SLC15A1: variants seen among roughly 807,000 people sequenced by gnomAD.
The protein encoded by SLC15A1 is Caco-2 oligopeptide transporter.
SLC15A1 carries 83 observed loss-of-function variants against 92.9 expected under a neutral mutation model. The observed-to-expected ratio is 0.89, with a 90% CI of 0.75 to 1.07. The LOEUF (loss-of-function observed/expected upper bound fraction) is 1.07, where lower values mean the gene tolerates loss of function less well. Ranked by LOEUF, SLC15A1 falls within the 50% of genes least tolerant of loss-of-function variation. The pLI, the probability that SLC15A1 is intolerant of heterozygous loss-of-function variation, is 0.00. For synonymous variants in SLC15A1, 322 were observed against 318.2 expected, an observed-to-expected ratio of 1.01 and a Z score of -0.13; for missense variants, 857 against 880.1, an observed-to-expected ratio of 0.97 and a Z score of 0.33.
At chr13:98,704,807 T>A (rs1310133514) in intron 16 of SLC15A1, among the ~76,000 whole-genome samples, 6 of 152,206 alleles carry the variant, frequency 3.9e-5, no homozygotes, top group Non-Finnish European at 8.8e-5. Flanking sequence ...GGAATCGGGC[T>A]TTTTGTTTTT....
rs1320921582 is a variant in SLC15A1, at chr13:98,735,601, C to T, written c.5-8742G>A. Among the ~76,000 whole-genome samples, 3 of 152,222 alleles carry T rather than the reference C, an allele frequency of 2.0e-5. No homozygotes were observed. In the East Asian group the frequency reaches 5.8e-4, roughly 29 times the overall value. ...TTATATTTAGAAAAACCCAAAGTCT[C>T]AGCCCAAAATCTCCTTAAGCTGATA... On this transcript the variant is annotated intron_variant, in intron 1 of 22. Coordinates refer to ENST00000376503, the MANE Select transcript of SLC15A1 (RefSeq NM_005073.4).
chr13:98,729,138 GTATTAA>G (rs1355785691), intron 1 of SLC15A1, among the ~76,000 whole-genome samples: 4 of 151,266 alleles, frequency 2.6e-5, no homozygotes, highest in Non-Finnish European at 4.4e-5. Flanking sequence ...GTAAAATATT[GTATTAA>G]TATTAATATT....
intron 1 of SLC15A1, among the ~76,000 whole-genome samples, chr13:98,740,793 G>T (rs1468154735): frequency 6.6e-6 from 1 of 152,198 alleles, no homozygotes; most frequent in East Asian, 1.9e-4. Flanking sequence ...GTGGGAAAGA[G>T]GAAGGATATG....
At position 98,721,772 on chromosome 13, in the gene SLC15A1, C is replaced by G. The variant is rs1015977031; in HGVS notation, c.465+32G>C. On this transcript the variant is annotated intron_variant, in intron 6 of 22. Coordinates refer to ENST00000376503, the MANE Select transcript of SLC15A1 (RefSeq NM_005073.4). Reference sequence around the variant, plus strand: ...CTGACTCCTGGATGTGTAGTTCATTCACGTGGGCTCTGGGGAGGCCCCTAC... The same window carrying G: ...CTGACTCCTGGATGTGTAGTTCATTGACGTGGGCTCTGGGGAGGCCCCTAC... The G allele has an allele frequency of 3.1e-6, 5 of 1,592,922 alleles. No individual in the cohort carries two copies. The African/African-American group carries it at 6.7e-5, about 21-fold the overall frequency.
chr13:98,741,686 C>T (rs776381404), intron 1 of SLC15A1, among the ~76,000 whole-genome samples: 4 of 147,558 alleles, frequency 2.7e-5, no homozygotes, highest in Non-Finnish European at 5.9e-5. Context: ...ATCATACTAC[C>T]GCACTCCAGC....
chr13:98,730,725 G>T (rs1020267297), intron 1 of SLC15A1, among the ~76,000 whole-genome samples: 11 of 152,242 alleles, frequency 7.2e-5, no homozygotes, highest in Non-Finnish European at 1.5e-5. Context: ...CCCACAGAGG[G>T]GAAATTCAGT....
At position 98,684,680 on chromosome 13, in the gene SLC15A1, G is replaced by A. The variant is rs544324322; in HGVS notation, c.*44C>T. 1 of 1,550,352 alleles carries A rather than the reference G, an allele frequency of 6.5e-7. No homozygotes were observed. The highest frequency in any genetic ancestry group is 1.7e-5 in the Admixed American group (1 of 59,410). ...TCCTGCTACCTGGGGGCAGAGGTCA[G>A]GGCATCTGCGGGCCCAGTCCATCCT... On this transcript the variant is annotated 3_prime_UTR_variant, in exon 23 of 23. Coordinates refer to ENST00000376503, the MANE Select transcript of SLC15A1 (RefSeq NM_005073.4).
At position 98,719,324 on chromosome 13, in the gene SLC15A1, G is replaced by A. The variant is rs2088236220; in HGVS notation, c.557-4C>T. ...CTGTGAATTCCACATTGTTGAACTG[G>A]GGAGAAATGACAAGATTAAAATTGT... On this transcript the variant is annotated splice_polypyrimidine_tract_variant and splice_region_variant and intron_variant, in intron 7 of 22. Coordinates refer to ENST00000376503, the MANE Select transcript of SLC15A1 (RefSeq NM_005073.4). 7 of 1,609,496 alleles carry A rather than the reference G, an allele frequency of 4.3e-6. No homozygotes were observed. Among genetic ancestry groups the A allele is most frequent in the African/African-American group, 1.3e-5 (1 of 74,924 alleles).
At position 98,709,751 on chromosome 13, in the gene SLC15A1, A is replaced by AT; in HGVS notation, c.968dup (p.Asp323GlufsTer62). 3.1e-6 allele frequency: 5 copies of AT among 1,614,194 alleles called. No homozygotes were observed. The highest frequency in any genetic ancestry group is 4.2e-6 in the Non-Finnish European group (5 of 1,180,040). On this transcript the variant is annotated frameshift_variant, in exon 13 of 23. Transcript: ENST00000376503. LOFTEE classifies it high-confidence loss of function. The stretch of plus-strand genomic sequence containing the variant: ...CTTACATGTCTTCTACCTGCATCTG[A>AT]TCGGGCTGAATTTCAAGAGCTCCCT...
chr13:98,747,917 C>T (rs745796249), intron 1 of SLC15A1, among the ~76,000 whole-genome samples: 2 of 152,092 alleles, frequency 1.3e-5, no homozygotes, highest in Admixed American at 6.5e-5. Flanking sequence ...CCAAGGGAAT[C>T]GAAAATGGAA....
At chr13:98,694,090 T>C (rs2088003794) in intron 18 of SLC15A1, among the ~76,000 whole-genome samples, 1 of 152,246 alleles carries the variant, frequency 6.6e-6, no homozygotes, top group Non-Finnish European at 1.5e-5. Context: ...TGCATGTGGA[T>C]ATCCAGTGGT....
At chr13:98,691,319 G>A (rs543889946) in intron 18 of SLC15A1, among the ~76,000 whole-genome samples, 6 of 152,338 alleles carry the variant, frequency 3.9e-5, no homozygotes, top group African/African-American at 9.6e-5. Flanking sequence ...GATTACAGGC[G>A]TGAGCCATCA....
intron 16 of SLC15A1, among the ~76,000 whole-genome samples, chr13:98,705,769 G>A (rs1245816022): frequency 1.3e-5 from 2 of 152,068 alleles, no homozygotes; most frequent in Admixed American, 6.6e-5. Flanking sequence ...GCACACACCT[G>A]TAATCCCAGC....
chr13:98,735,144 T>C (rs981081310), intron 1 of SLC15A1, among the ~76,000 whole-genome samples: 10 of 152,210 alleles, frequency 6.6e-5, no homozygotes, highest in African/African-American at 2.4e-4. Flanking sequence ...TCCACCATGA[T>C]CAAGTTGGCT....
chr13:98,686,742 G>A (rs1188330095), intron 21 of SLC15A1, among the ~76,000 whole-genome samples: 2 of 152,030 alleles, frequency 1.3e-5, no homozygotes, highest in Admixed American at 6.6e-5. Context: ...AGACTGTGAG[G>A]TTATCACAGA....
intron 9 of SLC15A1, among the ~76,000 whole-genome samples, chr13:98,712,847 C>T (rs2088175500): frequency 6.6e-6 from 1 of 152,168 alleles, no homozygotes. Context: ...AGAAATACAA[C>T]ACGTGTTTGC....
In SLC15A1 at chr13:98,688,509, CTG is replaced by C; in HGVS notation, c.1533_1534del (p.Ser511ArgfsTer31). 1 of 1,614,028 alleles carries C rather than the reference CTG, an allele frequency of 6.2e-7. No individual in the cohort carries two copies. The highest frequency in any genetic ancestry group is 1.7e-5 in the Admixed American group (1 of 60,028). ...AAACTGGTATGTGCTGGCATTGTAGCTGCTGATGTTTGCATAAACTTTCCCAC... is the reference window on the plus strand; with the variant it reads ...AAACTGGTATGTGCTGGCATTGTAGCCTGATGTTTGCATAAACTTTCCCAC... On this transcript the variant is annotated frameshift_variant, in exon 19 of 23. Coordinates refer to ENST00000376503, the MANE Select transcript of SLC15A1 (RefSeq NM_005073.4). LOFTEE classifies it high-confidence loss of function.
chr13:98,711,204 G>A (rs1700169993), intron 11 of SLC15A1, among the ~76,000 whole-genome samples: 1 of 152,116 alleles, frequency 6.6e-6, no homozygotes, highest in African/African-American at 2.4e-5. Flanking sequence ...AGAAACAATA[G>A]CTATTTTTTC....
chr13:98,734,423 G>A (rs1045584920), intron 1 of SLC15A1, among the ~76,000 whole-genome samples: 1 of 152,094 alleles, frequency 6.6e-6, no homozygotes, highest in African/African-American at 2.4e-5. Context: ...CATCTCACTG[G>A]GACTGGTTGG....
Sources: allele counts gnomAD v4.1 joint callset (sites outside exome capture counted in the v4.1 genomes callset), GRCh38; gene constraint gnomAD v4.1.1; transcripts MANE v1.5; gene names NCBI Gene and HGNC (gene_info 2026-07-23, HGNC 2026-07-21).